Variants in CADM2 observed in about 807,000 individuals in gnomAD.
CADM2 encodes cell adhesion molecule 2, also known as immunoglobulin superfamily member 4D.
CADM2 carries 12 observed loss-of-function variants against 49.8 expected under a neutral mutation model. The observed-to-expected ratio is 0.24, with a 90% confidence interval of 0.15 to 0.39. CADM2 has a LOEUF of 0.39. Among genes scored for constraint, CADM2 ranks in the 10% least tolerant of loss-of-function variants. CADM2 has a pLI of 1.00. For synonymous variants in CADM2, 214 were observed against 175.4 expected, an observed-to-expected ratio of 1.22 and a Z score of -1.74; for missense variants, 378 against 492.3, an observed-to-expected ratio of 0.77 and a Z score of 2.20.
chr3:85,694,390 G>A (rs1156933375), intron 1 of CADM2, among the ~76,000 whole-genome samples: 1 of 152,134 alleles, frequency 6.6e-6, no homozygotes, highest in Non-Finnish European at 1.5e-5. Context: ...GTAAAACACA[G>A]CCAGAAGATG....
At chr3:85,698,347 T>C (rs2107700684) in intron 1 of CADM2, among the ~76,000 whole-genome samples, 1 of 152,334 alleles carries the variant, frequency 6.6e-6, no homozygotes, top group East Asian at 1.9e-4. Flanking sequence ...GAAGAATTTT[T>C]CCCATAAGCA....
chr3:85,781,683 T>C (rs1487926061), intron 2 of CADM2, among the ~76,000 whole-genome samples: 2 of 152,218 alleles, frequency 1.3e-5, no homozygotes, highest in Non-Finnish European at 2.9e-5. Context: ...CAAAGACTGT[T>C]TGCACAGCTT....
intron 1 of CADM2, among the ~76,000 whole-genome samples, chr3:85,402,942 AT>A (rs1252263139): frequency 6.6e-6 from 1 of 152,134 alleles, no homozygotes; most frequent in East Asian, 1.9e-4. Context: ...CAGTCCATCT[AT>A]TTTGAAAATG....
chr3:86,026,350 G>GT (rs1559809556), intron 8 of CADM2, among the ~76,000 whole-genome samples: 23 of 149,624 alleles, frequency 1.5e-4, no homozygotes, highest in African/African-American at 5.2e-4. Context: ...TTTTTTTTTT[G>GT]GTTTTTTTTT....
intron 2 of CADM2, among the ~76,000 whole-genome samples, chr3:85,759,332 T>G (rs929330848): frequency 3.3e-5 from 5 of 152,074 alleles, no homozygotes; most frequent in African/African-American, 1.2e-4. Flanking sequence ...TAACACAATA[T>G]CAAAATGTTA....
intron 8 of CADM2, among the ~76,000 whole-genome samples, chr3:86,064,528 G>T (rs574737580): frequency 3.9e-5 from 6 of 152,274 alleles, no homozygotes; most frequent in African/African-American, 1.4e-4. Context: ...GTGTGCACGT[G>T]TCTTTATAGC....
chr3:85,999,412 C>T (rs184097619), intron 8 of CADM2, among the ~76,000 whole-genome samples: 9 of 151,632 alleles, frequency 5.9e-5, no homozygotes, highest in South Asian at 2.1e-4. Flanking sequence ...GGCCAAGACA[C>T]GAGAATCACT....
intron 1 of CADM2, among the ~76,000 whole-genome samples, chr3:85,594,638 A>G (rs1372886156): frequency 6.6e-6 from 1 of 152,036 alleles, no homozygotes; most frequent in Admixed American, 6.6e-5. Context: ...AGATAAGGGT[A>G]TAAGAAATAC....
intron 3 of CADM2, among the ~76,000 whole-genome samples, chr3:85,867,361 G>A (rs192849198): frequency 4.9e-4 from 75 of 151,986 alleles, no homozygotes; most frequent in Non-Finnish European, 7.4e-4. Context: ...GCTCCTATAT[G>A]TCTTAAAGAC....
chr3:85,962,172 GC>G (rs1412485972), intron 8 of CADM2, among the ~76,000 whole-genome samples: 1 of 151,862 alleles, frequency 6.6e-6, no homozygotes, highest in East Asian at 2.0e-4. Context: ...GCCTGCCTCG[GC>G]TTCCCAAAAT....
At chr3:86,001,111 A>G (rs1730144523) in intron 8 of CADM2, among the ~76,000 whole-genome samples, 1 of 152,150 alleles carries the variant, frequency 6.6e-6, no homozygotes, top group Non-Finnish European at 1.5e-5. Flanking sequence ...GACTATATGG[A>G]TGAAAGAATG....
intron 1 of CADM2, among the ~76,000 whole-genome samples, chr3:85,390,991 G>A (rs1180251184): frequency 1.3e-5 from 2 of 151,956 alleles, no homozygotes; most frequent in Admixed American, 1.3e-4. Context: ...ATATTCCTAG[G>A]TGCATCTAGA....
intron 1 of CADM2, among the ~76,000 whole-genome samples, chr3:85,584,904 T>C (rs2062893807): frequency 6.6e-6 from 1 of 152,228 alleles, no homozygotes; most frequent in South Asian, 2.1e-4. Context: ...ATCAGTTAAA[T>C]TTAATCTTCA....
chr3:85,441,894 A>G (rs2037218389), intron 1 of CADM2, among the ~76,000 whole-genome samples: 1 of 152,108 alleles, frequency 6.6e-6, no homozygotes, highest in Non-Finnish European at 1.5e-5. Context: ...AAGATGAGGA[A>G]GTAAGGAACA....
At chr3:85,001,991 G>T (rs1287910377) in intron 1 of CADM2, among the ~76,000 whole-genome samples, 1 of 152,010 alleles carries the variant, frequency 6.6e-6, no homozygotes, top group Non-Finnish European at 1.5e-5. Context: ...AAATCTGGGG[G>T]TGTCTTCTGT....
chr3:84,984,378 A>AC (rs2032420623), intron 1 of CADM2, among the ~76,000 whole-genome samples: 2 of 129,082 alleles, frequency 1.5e-5, no homozygotes, highest in African/African-American at 5.3e-5. Flanking sequence ...AAAAAAAAAA[A>AC]AAAAAAACAC....
intron 1 of CADM2, among the ~76,000 whole-genome samples, chr3:85,089,040 C>T (rs1559654396): frequency 6.6e-6 from 1 of 152,004 alleles, no homozygotes; most frequent in East Asian, 1.9e-4. Context: ...TGATCTGGAG[C>T]TCTAGACAAT....
At chr3:84,964,234 ATACT>A (rs2030800247) in intron 1 of CADM2, among the ~76,000 whole-genome samples, 1 of 152,210 alleles carries the variant, frequency 6.6e-6, no homozygotes, top group Non-Finnish European at 1.5e-5. Flanking sequence ...AAAGAAAAAA[ATACT>A]TAAATCACTT....
intron 1 of CADM2, among the ~76,000 whole-genome samples, chr3:85,663,209 A>G (rs2065463775): frequency 6.6e-6 from 1 of 152,002 alleles, no homozygotes; most frequent in African/African-American, 2.4e-5. Flanking sequence ...GTACCTTCCT[A>G]CTTTTTAGAG....
Sources: allele counts gnomAD v4.1 joint callset (sites outside exome capture counted in the v4.1 genomes callset), GRCh38; gene constraint gnomAD v4.1.1; transcripts MANE v1.5; gene names NCBI Gene and HGNC (gene_info 2026-07-23, HGNC 2026-07-21).